Variants in RFX3 observed in about 807,000 individuals in gnomAD.
The protein encoded by RFX3 is regulatory factor X3, also known as transcription factor RFX3.
In RFX3, 14 loss-of-function variants were observed where a neutral mutation model predicts 98.6. The ratio of observed to expected loss-of-function variants is 0.14; its 90% CI spans 0.09 to 0.22. The LOEUF is 0.22. RFX3 is among the 10% of genes least tolerant of loss of function. The probability of loss-of-function intolerance (pLI) is 1.00; values close to 1 mark genes in which losing one functional copy is unlikely to be tolerated. For synonymous variants in RFX3, 383 were observed against 328.4 expected (o/e 1.17, Z -1.80); for missense variants, 639 against 926.9 (o/e 0.69, Z 4.03).
At chr9:3,235,919 T>C (rs1819091630) in intron 15 of RFX3, among the ~76,000 whole-genome samples, 1 of 152,174 alleles carries the variant, frequency 6.6e-6, no homozygotes, top group Non-Finnish European at 1.5e-5. Flanking sequence ...GATTAAGATG[T>C]AGACATTTTA....
rs1171368366 is a variant in RFX3, at chr9:3,271,125, A to G, written c.1087-7T>C. ...CAACAACGTCCAATATTGCCTAAAA[A>G]ACAAAATGGTACCAGTATTACCTTA... On this transcript the variant is annotated splice_region_variant and splice_polypyrimidine_tract_variant and intron_variant, in intron 9 of 16. Coordinates refer to ENST00000617270, the MANE Select transcript of RFX3 (RefSeq NM_001282116.2). The G allele has an allele frequency of 6.2e-7, 1 of 1,612,166 alleles. No homozygotes were observed. Among genetic ancestry groups the G allele is most frequent in the Non-Finnish European group, 8.5e-7 (1 of 1,178,540 alleles).
intron 1 of RFX3, among the ~76,000 whole-genome samples, chr9:3,427,503 T>A (rs1353558746): frequency 1.4e-5 from 2 of 146,102 alleles, no homozygotes; most frequent in African/African-American, 5.0e-5. Flanking sequence ...TATATAAATA[T>A]ATATTGTTAC....
intron 4 of RFX3, among the ~76,000 whole-genome samples, chr9:3,318,606 T>A (rs781777184): frequency 2.0e-5 from 3 of 151,796 alleles, no homozygotes; most frequent in Non-Finnish European, 4.4e-5. Context: ...CATGTCCTCT[T>A]TAACCAGAAA....
intron 3 of RFX3, among the ~76,000 whole-genome samples, chr9:3,345,799 A>C (rs1330099465): frequency 6.6e-6 from 1 of 152,200 alleles, no homozygotes; most frequent in African/African-American, 2.4e-5. Flanking sequence ...TAGTGAATAA[A>C]AACAAAAAAA....
At chr9:3,373,610 G>A (rs1299541025) in intron 2 of RFX3, among the ~76,000 whole-genome samples, 1 of 152,056 alleles carries the variant, frequency 6.6e-6, no homozygotes, top group African/African-American at 2.4e-5. Context: ...GGCCCCTTCA[G>A]GAATAAAAGG....
intron 1 of RFX3, among the ~76,000 whole-genome samples, chr9:3,491,784 T>C (rs760892005): frequency 3.5e-4 from 53 of 152,346 alleles, no homozygotes; most frequent in Admixed American, 1.6e-3. Context: ...TCACTCATCT[T>C]AACTTTAAAA....
chr9:3,374,278 A>T (rs1838202507), intron 2 of RFX3, among the ~76,000 whole-genome samples: 1 of 152,182 alleles, frequency 6.6e-6, no homozygotes, highest in Non-Finnish European at 1.5e-5. Context: ...GCTCCTCAAA[A>T]TTTTAAAAAT....
intron 2 of RFX3, among the ~76,000 whole-genome samples, chr9:3,351,288 T>C (rs945130235): frequency 6.6e-6 from 1 of 152,018 alleles, no homozygotes; most frequent in African/African-American, 2.4e-5. Flanking sequence ...GAAACTAAAA[T>C]CTTTTTTTTA....
At chr9:3,238,220 T>C (rs547448410) in intron 15 of RFX3, among the ~76,000 whole-genome samples, 11 of 152,304 alleles carry the variant, frequency 7.2e-5, no homozygotes, top group African/African-American at 2.2e-4. Flanking sequence ...ATGAAATAAA[T>C]GCCTCTAGCT....
intron 1 of RFX3, among the ~76,000 whole-genome samples, chr9:3,479,022 G>A (rs1317317923): frequency 1.3e-5 from 2 of 152,304 alleles, no homozygotes; most frequent in African/African-American, 2.4e-5. Context: ...GTGCTCTGGG[G>A]ATAGTGCCTT....
chr9:3,503,287 T>A (rs1816250769), intron 1 of RFX3, among the ~76,000 whole-genome samples: 1 of 152,132 alleles, frequency 6.6e-6, no homozygotes, highest in Non-Finnish European at 1.5e-5. Context: ...AAATAAATAT[T>A]GTATATATAA....
intron 1 of RFX3, chr9:3,400,213 G>T (rs1304958387): frequency 2.0e-6 from 2 of 982,256 alleles, no homozygotes; most frequent in East Asian, 2.3e-4. Flanking sequence ...AGACAAGTAA[G>T]AAAGGCAAAC....
At position 3,368,272 on chromosome 9, in the gene RFX3, G is replaced by A. The variant is rs188513123; in HGVS notation, c.118-21508C>T. Among the ~76,000 whole-genome samples, 244 of 152,186 alleles carry A rather than the reference G, an allele frequency of 1.6e-3. 1 individual carries two copies. Among genetic ancestry groups the A allele is most frequent in the African/African-American group, 5.7e-3 (236 of 41,534 alleles). Reference sequence around the variant, plus strand: ...AGATATATTGAAAGAAAATTTTAATGATACCAGGATGACAAGACAAAATAA... The same window carrying A: ...AGATATATTGAAAGAAAATTTTAATAATACCAGGATGACAAGACAAAATAA... On this transcript the variant is annotated intron_variant, in intron 2 of 16. Coordinates refer to ENST00000617270, the MANE Select transcript of RFX3 (RefSeq NM_001282116.2).
At chr9:3,290,574 G>C (rs1207493361) in intron 6 of RFX3, among the ~76,000 whole-genome samples, 1 of 151,906 alleles carries the variant, frequency 6.6e-6, no homozygotes, top group Non-Finnish European at 1.5e-5. Flanking sequence ...TTGTGGTTTT[G>C]AAAAAAAGTA....
chr9:3,386,597 T>G (rs777176265), intron 2 of RFX3, among the ~76,000 whole-genome samples: 2 of 151,988 alleles, frequency 1.3e-5, no homozygotes, highest in East Asian at 3.9e-4. Flanking sequence ...TATGAAGTAG[T>G]CCTCAAAGAA....
intron 1 of RFX3, among the ~76,000 whole-genome samples, chr9:3,488,399 A>T (rs996589070): frequency 2.6e-5 from 4 of 152,200 alleles, no homozygotes; most frequent in Admixed American, 6.5e-5. Flanking sequence ...AAAGATTCAC[A>T]ATTATTAGGT....
Position 3,324,313 on chromosome 9 carries a change from C to G in RFX3, c.474+5946G>C, listed in dbSNP as rs535589507. 2.0e-5 allele frequency among the ~76,000 whole-genome samples: 3 copies of G among 152,116 alleles called. No homozygotes were observed. The South Asian group carries it at 6.2e-4, about 32-fold the overall frequency. ...GCATACTTCTAACTTAAAATTTCTT[C>G]TAAGCATATCTTCATATATGATAAT... On this transcript the variant is annotated intron_variant, in intron 4 of 16. Coordinates refer to ENST00000617270, the MANE Select transcript of RFX3 (RefSeq NM_001282116.2).
intron 1 of RFX3, among the ~76,000 whole-genome samples, chr9:3,504,129 TTATA>T (rs1190260008): frequency 8.0e-6 from 1 of 125,214 alleles, no homozygotes; most frequent in Non-Finnish European, 1.5e-5. Context: ...CCCTCTCTCT[TTATA>T]TATATTATAT....
chr9:3,272,015 T>G (rs1342158483), intron 9 of RFX3, among the ~76,000 whole-genome samples: 1 of 152,084 alleles, frequency 6.6e-6, no homozygotes, highest in Non-Finnish European at 1.5e-5. Context: ...TAGAACTATT[T>G]CCCAGATGCA....
Sources: gnomAD v4.1 joint callset for allele counts (sites outside exome capture counted in the v4.1 genomes callset) on GRCh38, gnomAD v4.1.1 for gene constraint, MANE v1.5 for transcripts, NCBI Gene and HGNC (gene_info 2026-07-23, HGNC 2026-07-21) for gene names.